AGBL4: variants seen among roughly 807,000 people sequenced by gnomAD.
AGBL4 encodes the protein AGBL carboxypeptidase 4, also known as cytosolic carboxypeptidase 6.
In AGBL4, 58 loss-of-function variants were observed where a neutral mutation model predicts 66.4. The ratio of observed to expected loss-of-function variants is 0.87; its 90% CI spans 0.71 to 1.09. AGBL4 has a LOEUF of 1.09. Ranked by LOEUF, AGBL4 falls within the 50% of genes least tolerant of loss-of-function variation. The pLI is 0.00. For synonymous variants in AGBL4, 234 were observed against 222.9 expected (o/e 1.05, Z -0.44); for missense variants, 579 against 631.0 (o/e 0.92, Z 0.88).
chr1:48,789,263 A>G (rs1236667521), intron 6 of AGBL4, among the ~76,000 whole-genome samples: 1 of 148,488 alleles, frequency 6.7e-6, no homozygotes, highest in African/African-American at 2.5e-5. Context: ...AGGCTGTACT[A>G]TTCTTGCTGC....
At chr1:49,995,422 T>C in intron 1 of AGBL4, 2 of 391,200 alleles carry the variant, frequency 5.1e-6, no homozygotes, top group South Asian at 3.7e-5. Context: ...GAGGCAGCCA[T>C]AATCCCCCTG....
intron 4 of AGBL4, among the ~76,000 whole-genome samples, chr1:49,181,908 T>G (rs1429129018): frequency 6.6e-6 from 1 of 152,128 alleles, no homozygotes; most frequent in African/African-American, 2.4e-5. Context: ...AACAGAAGAA[T>G]AGAGGACAAC....
intron 1 of AGBL4, among the ~76,000 whole-genome samples, chr1:49,953,138 A>G (rs1656302653): frequency 6.6e-6 from 1 of 152,014 alleles, no homozygotes; most frequent in African/African-American, 2.4e-5. Flanking sequence ...TTGAAAAATT[A>G]TGCTTCAAAT....
intron 5 of AGBL4, among the ~76,000 whole-genome samples, chr1:48,980,458 A>G (rs1659659186): frequency 1.3e-5 from 2 of 152,122 alleles, no homozygotes; most frequent in Non-Finnish European, 2.9e-5. Flanking sequence ...ATGGAATCCT[A>G]GAATCATAGA....
rs1378144578 is a variant in AGBL4, at chr1:49,261,191, C to G, written c.283-15327G>C. Among the ~76,000 whole-genome samples, 298 of 151,526 alleles carry G rather than the reference C, an allele frequency of 2.0e-3. 3 individuals are homozygous for G. The highest frequency in any genetic ancestry group is 7.0e-3 in the African/African-American group (291 of 41,380). ...ATAAGAGCTATCTATGACAAACCCA[C>G]AGCCAATATCATACTGAATGGGCAA... is the stretch of plus-strand genomic sequence containing the variant. On this transcript the variant is annotated intron_variant, in intron 3 of 13. Coordinates refer to ENST00000371839, the MANE Select transcript of AGBL4 (RefSeq NM_032785.4).
intron 3 of AGBL4, among the ~76,000 whole-genome samples, chr1:49,407,473 G>A (rs1314603793): frequency 6.6e-6 from 1 of 152,136 alleles, no homozygotes; most frequent in Non-Finnish European, 1.5e-5. Context: ...ATCATCACGT[G>A]AGCCAATTCC....
rs12097171 is a variant in AGBL4, at chr1:49,010,085, A to G, written c.594+35499T>C. 3.2e-3 allele frequency among the ~76,000 whole-genome samples: 482 copies of G among 152,308 alleles called. 3 individuals carry two copies. Among genetic ancestry groups the G allele is most frequent in the African/African-American group, 0.011 (457 of 41,566 alleles). The stretch of plus-strand genomic sequence containing the variant: ...ATTCAATTAGGAAAAGAGGAAGTCA[A>G]ATTGTCCCTCTTTGCAGACGACATG... On this transcript the variant is annotated intron_variant, in intron 5 of 13. Transcript: ENST00000371839.
At chr1:49,863,073 T>C (rs1008377687) in intron 1 of AGBL4, among the ~76,000 whole-genome samples, 1 of 152,096 alleles carries the variant, frequency 6.6e-6, no homozygotes, top group Non-Finnish European at 1.5e-5. Context: ...CAAAACAGCA[T>C]GGTACTGACA....
At position 48,667,469 on chromosome 1, in the gene AGBL4, C is replaced by T. The variant is rs548303374; in HGVS notation, c.635-4228G>A. Among the ~76,000 whole-genome samples the T allele has an allele frequency of 2.0e-5, 3 of 152,340 alleles. No homozygotes were observed. The East Asian group carries it at 5.8e-4, about 29-fold the overall frequency. ...AAGAGGATCCTGCAGTGTCCAGTGA[C>T]TATAGCCCTGACTGACAGCCTACTG... On this transcript the variant is annotated intron_variant, in intron 6 of 13. Coordinates refer to ENST00000371839, the MANE Select transcript of AGBL4 (RefSeq NM_032785.4).
chr1:49,681,340 A>C (rs1445503013), intron 3 of AGBL4, among the ~76,000 whole-genome samples: 2 of 152,136 alleles, frequency 1.3e-5, no homozygotes, highest in Non-Finnish European at 2.9e-5. Context: ...CTTGTGTTTT[A>C]GCAGTGTTCT....
intron 1 of AGBL4, among the ~76,000 whole-genome samples, chr1:49,954,320 T>C (rs971076818): frequency 6.6e-6 from 1 of 152,038 alleles, no homozygotes; most frequent in African/African-American, 2.4e-5. Flanking sequence ...ATTAACAGTA[T>C]TAAGAGGTGG....
chr1:49,862,705 T>C (rs1646603803), intron 1 of AGBL4, among the ~76,000 whole-genome samples: 1 of 152,068 alleles, frequency 6.6e-6, no homozygotes, highest in Non-Finnish European at 1.5e-5. Flanking sequence ...GACTTTTCAG[T>C]GGAAACCTTA....
At chr1:48,561,456 T>C (rs1334896510) in intron 11 of AGBL4, among the ~76,000 whole-genome samples, 1 of 152,218 alleles carries the variant, frequency 6.6e-6, no homozygotes, top group Non-Finnish European at 1.5e-5. Context: ...CCTCATGGTG[T>C]TTGAAAATGT....
intron 1 of AGBL4, among the ~76,000 whole-genome samples, chr1:49,948,578 T>TAGAGAGAGAGAG (rs1343530781): frequency 1.6e-5 from 2 of 126,482 alleles, no homozygotes. Context: ...TATATATATA[T>TAGAGAGAGAGAG]ATATAGAGAG....
chr1:49,867,289 C>T (rs954853849), intron 1 of AGBL4, among the ~76,000 whole-genome samples: 4 of 150,510 alleles, frequency 2.7e-5, no homozygotes, highest in Non-Finnish European at 4.4e-5. Context: ...CCTCTTTCCA[C>T]TCTTACTATA....
rs138631567 is a variant in AGBL4 at position 48,870,213 on chromosome 1, C to A, written c.595-2983G>T. On this transcript the variant is annotated intron_variant, in intron 5 of 13. Transcript: ENST00000371839. ...TTCCAATGCATCTTGCAAAGCCTAT[C>A]TCACTAGGATCCTCAAGTAGGATCC... Among the ~76,000 whole-genome samples the A allele has an allele frequency of 2.0e-3, 310 of 152,130 alleles. 3 individuals carry two copies. The highest frequency in any genetic ancestry group is 7.2e-3 in the African/African-American group (298 of 41,542).
chr1:48,787,508 T>C (rs1645437162), intron 6 of AGBL4, among the ~76,000 whole-genome samples: 1 of 152,214 alleles, frequency 6.6e-6, no homozygotes, highest in Admixed American at 6.5e-5. Flanking sequence ...GAATACTTAT[T>C]AATGTCAACC....
chr1:49,031,717 A>G (rs1169706281), intron 5 of AGBL4, among the ~76,000 whole-genome samples: 1 of 152,060 alleles, frequency 6.6e-6, no homozygotes, highest in Non-Finnish European at 1.5e-5. Context: ...TAGAGGTTAG[A>G]TTTCATAGGA....
At chr1:49,937,241 A>G (rs187743920) in intron 1 of AGBL4, among the ~76,000 whole-genome samples, 3,993 of 151,894 alleles carry the variant, frequency 0.026, 146 homozygotes, top group Admixed American at 0.11. Context: ...AAGAGACAAA[A>G]AAGGCCATTA....
Sources: gnomAD v4.1 joint callset for allele counts (sites outside exome capture counted in the v4.1 genomes callset) on GRCh38, gnomAD v4.1.1 for gene constraint, MANE v1.5 for transcripts, NCBI Gene and HGNC (gene_info 2026-07-23, HGNC 2026-07-21) for gene names.